Variants in EHMT1 observed in about 807,000 individuals in gnomAD.
EHMT1 encodes the protein euchromatic histone lysine methyltransferase 1, also known as histone-lysine N-methyltransferase EHMT1.
A neutral mutation model predicts 147.2 loss-of-function variants in EHMT1; 15 were observed. That is an observed-to-expected ratio of 0.10 (90% CI 0.07 to 0.16). The LOEUF is 0.16. Ranked by LOEUF, EHMT1 falls within the 10% of genes least tolerant of loss-of-function variation. The pLI is 1.00. For synonymous variants in EHMT1, 795 were observed against 709.6 expected, an observed-to-expected ratio of 1.12 and a Z score of -1.91; for missense variants, 1,587 against 1,772.4, an observed-to-expected ratio of 0.90 and a Z score of 1.88.
chr9:137,626,606 C>G (rs564896545), intron 1 of EHMT1, among the ~76,000 whole-genome samples: 2 of 150,838 alleles, frequency 1.3e-5, no homozygotes, highest in African/African-American at 4.9e-5. Context: ...TGTCTTATCT[C>G]TTAGTCTTTC....
intron 14 of EHMT1, among the ~76,000 whole-genome samples, chr9:137,781,032 C>T (rs1407795352): frequency 2.0e-3 from 258 of 130,144 alleles, no homozygotes; most frequent in African/African-American, 6.7e-3. Flanking sequence ...GACGCCGAGA[C>T]GTGTGGTGAT....
intron 22 of EHMT1, 190 bp downstream of exon 22, chr9:137,814,698 G>T: frequency 1.5e-6 from 1 of 677,646 alleles, no homozygotes; most frequent in South Asian, 1.7e-5. Flanking sequence ...GTGAGCCGAG[G>T]ACATGGCTGC....
intron 1 of EHMT1, among the ~76,000 whole-genome samples, chr9:137,676,662 G>A (rs113875406): frequency 4.6e-5 from 7 of 152,392 alleles, no homozygotes; most frequent in Middle Eastern, 3.4e-3. Context: ...TTGTGCAGAG[G>A]AGGGAACCTG....
At chr9:137,804,439 CTGTT>C (rs1395892138) in intron 18 of EHMT1, among the ~76,000 whole-genome samples, 10 of 152,072 alleles carry the variant, frequency 6.6e-5, no homozygotes, top group African/African-American at 2.2e-4. Context: ...AATGAAGTGT[CTGTT>C]CAAATATTTT....
At chr9:137,691,635 A>G (rs1942945212) in intron 1 of EHMT1, among the ~76,000 whole-genome samples, 1 of 152,138 alleles carries the variant, frequency 6.6e-6, no homozygotes, top group Non-Finnish European at 1.5e-5. Context: ...TTCAATTGCT[A>G]GGTCATATGG....
chr9:137,711,068 T>C lies in EHMT1; in HGVS notation c.85+38T>C, dbSNP rs1312300352. The stretch of plus-strand genomic sequence containing the variant: ...TGCACCGAGGGACAGGAGCAGCGCC[T>C]CCCTCCAGACTAGAAAACCTGCTGC... On this transcript the variant is annotated intron_variant, in intron 2 of 26. Coordinates refer to ENST00000460843, the MANE Select transcript of EHMT1 (RefSeq NM_024757.5). The C allele has an allele frequency of 3.8e-6, 6 of 1,559,044 alleles. No individual in the cohort carries two copies. The South Asian group carries it at 5.9e-5, about 15-fold the overall frequency.
In EHMT1 at chr9:137,717,096, A is replaced by G. The variant is rs775356902; in HGVS notation, c.556A>G (p.Thr186Ala). The change falls in exon 3 of 27, where the codon ACA becomes GCA. Residue 186 changes from threonine (T) to alanine (A), a missense_variant. By Grantham distance (58) the Thr-to-Ala change is moderately conservative. This residue lies in a region of EHMT1 where 810 missense variants were observed against 673.0 expected (regional missense o/e 1.20). Coordinates refer to ENST00000460843, the MANE Select transcript of EHMT1 (RefSeq NM_024757.5). ...CACCCTTGGGGAGGGGAGTGCTGACACAGAGGACAGGAAGCTCCCGGCCCC... is the reference window on the plus strand; with the variant it reads ...CACCCTTGGGGAGGGGAGTGCTGACGCAGAGGACAGGAAGCTCCCGGCCCC... ...PATLGEGSAD[T>A]EDRKLPAPGA... 1.9e-6 allele frequency: 3 copies of G among 1,612,302 alleles called. No homozygotes were observed. Among genetic ancestry groups the G allele is most frequent in the Non-Finnish European group, 2.5e-6 (3 of 1,179,662 alleles).
chr9:137,651,765 A>C (rs1189236727), intron 1 of EHMT1, among the ~76,000 whole-genome samples: 2 of 152,300 alleles, frequency 1.3e-5, no homozygotes, highest in East Asian at 3.9e-4. Context: ...ACTGCACTCC[A>C]GCCTGAGTGA....
chr9:137,653,277 G>A lies in EHMT1; in HGVS notation c.21+34228G>A, dbSNP rs1053109506. 5.9e-5 allele frequency among the ~76,000 whole-genome samples: 9 copies of A among 151,850 alleles called. No individual in the cohort carries two copies. In the South Asian group the frequency reaches 6.2e-4, roughly 11 times the overall value. On this transcript the variant is annotated intron_variant, in intron 1 of 26. Coordinates refer to ENST00000460843, the MANE Select transcript of EHMT1 (RefSeq NM_024757.5). Reference sequence around the variant, plus strand: ...AAATACTTACCATTATATTCCTGTCGCCTGCAGTATTCAACACAGTAACAT... The same window carrying A: ...AAATACTTACCATTATATTCCTGTCACCTGCAGTATTCAACACAGTAACAT...
At chr9:137,662,803 TA>T (rs376456269) in intron 1 of EHMT1, among the ~76,000 whole-genome samples, 35,043 of 150,392 alleles carry the variant, frequency 0.23, 4,664 homozygotes, top group African/African-American at 0.34. Context: ...TTTATTTATT[TA>T]TTTATTTTTG....
chr9:137,650,052 T>C (rs1481767351), intron 1 of EHMT1, among the ~76,000 whole-genome samples: 1 of 152,164 alleles, frequency 6.6e-6, no homozygotes, highest in African/African-American at 2.4e-5. Context: ...CTGCCAGCAG[T>C]GAATGAGGGT....
chr9:137,684,637 A>G (rs1185820634), intron 1 of EHMT1, among the ~76,000 whole-genome samples: 4 of 152,068 alleles, frequency 2.6e-5, no homozygotes, highest in Non-Finnish European at 4.4e-5. Context: ...GACCACAGGT[A>G]TGTGCCATTA....
chr9:137,782,537 G>GC lies in EHMT1; in HGVS notation c.2382+145dup, dbSNP rs1951640433. On this transcript the variant is annotated intron_variant, in intron 15 of 26. Coordinates refer to ENST00000460843, the MANE Select transcript of EHMT1 (RefSeq NM_024757.5). This position sits in a 1 kb window ranked among gnomAD's most constrained non-coding sequence, Gnocchi z 5.7. ...AATCGGGCACAGAGTCAGCTTTTCT[G>GC]CCCCCGAGTCCTGCAGGTGGATCAG... The GC allele has an allele frequency of 3.8e-6, 3 of 790,260 alleles. No individual in the cohort carries two copies. In the African/African-American group the frequency reaches 5.1e-5, roughly 13 times the overall value. The allele number at this position is 790,260 out of a possible 1,614,324, so 49.0% of individuals were successfully genotyped here. A position where few individuals can be genotyped will look rare whatever the true frequency, so the allele number is the denominator to read the frequency against.
At chr9:137,762,378 A>G (rs1349714255) in intron 9 of EHMT1, among the ~76,000 whole-genome samples, 1 of 152,080 alleles carries the variant, frequency 6.6e-6, no homozygotes, top group African/African-American at 2.4e-5. Flanking sequence ...CAGAGGTACC[A>G]GCCTCTGGCT....
At chr9:137,699,458 A>C (rs1943659694) in intron 1 of EHMT1, among the ~76,000 whole-genome samples, 1 of 152,154 alleles carries the variant, frequency 6.6e-6, no homozygotes, top group Non-Finnish European at 1.5e-5. Context: ...AGATCACTCG[A>C]GGTCAGGAGT....
In EHMT1 at chr9:137,732,435, T is replaced by C. The variant is rs750093392; in HGVS notation, c.823+3906T>C. On this transcript the variant is annotated intron_variant, in intron 4 of 26. Coordinates refer to ENST00000460843, the MANE Select transcript of EHMT1 (RefSeq NM_024757.5). This position sits in a 1 kb window ranked among gnomAD's most constrained non-coding sequence, Gnocchi z 4.6. Reference sequence around the variant, plus strand: ...GAGGGGAGCAAGGTGGAGAAGAGTTTTATTGAGCAGCAGAACAGCTCTCAG... The same window carrying C: ...GAGGGGAGCAAGGTGGAGAAGAGTTCTATTGAGCAGCAGAACAGCTCTCAG... 6.6e-6 allele frequency among the ~76,000 whole-genome samples: 1 copy of C among 152,086 alleles called. No individual in the cohort carries two copies. The highest frequency in any genetic ancestry group is 1.5e-5 in the Non-Finnish European group (1 of 67,998).
At position 137,813,834 on chromosome 9, in the gene EHMT1, G is replaced by T. The variant is rs969758082; in HGVS notation, c.3180+304G>T. On this transcript the variant is annotated intron_variant, in intron 21 of 26. Coordinates refer to ENST00000460843, the MANE Select transcript of EHMT1 (RefSeq NM_024757.5). This position sits in a 1 kb window ranked among gnomAD's most constrained non-coding sequence, Gnocchi z 4.9. ...CACTCAGGGGCCCCGGTGTGGCTTCGTGCTGGGGGCACAGGCGAGAGGAGC... is the reference window on the plus strand; with the variant it reads ...CACTCAGGGGCCCCGGTGTGGCTTCTTGCTGGGGGCACAGGCGAGAGGAGC... 1.3e-5 allele frequency among the ~76,000 whole-genome samples: 2 copies of T among 152,116 alleles called. No homozygotes were observed. Among genetic ancestry groups the T allele is most frequent in the African/African-American group, 2.4e-5 (1 of 41,422 alleles).
At position 137,652,629 on chromosome 9, in the gene EHMT1, A is replaced by G. The variant is rs150843055; in HGVS notation, c.21+33580A>G. Among the ~76,000 whole-genome samples, 279 of 127,996 alleles carry G rather than the reference A, an allele frequency of 2.2e-3. 2 individuals are homozygous for G. Among genetic ancestry groups the G allele is most frequent in the African/African-American group, 8.1e-3 (271 of 33,298 alleles). The allele number at this position is 127,996 out of a possible 152,430, so 84.0% of individuals were successfully genotyped here. A position where few individuals can be genotyped will look rare whatever the true frequency, so the allele number is the denominator to read the frequency against. On this transcript the variant is annotated intron_variant, in intron 1 of 26. Coordinates refer to ENST00000460843, the MANE Select transcript of EHMT1 (RefSeq NM_024757.5). ...TTGAACTCCTGACCTCAGGTGATCC[A>G]CTCACCTTGGCCTCCCAGAGTGTTG...
chr9:137,745,371 T>C (rs1395344262), intron 6 of EHMT1: 1 of 393,138 alleles, frequency 2.5e-6, no homozygotes, highest in Non-Finnish European at 4.5e-6. Flanking sequence ...GTAGCTTGAT[T>C]ATTTAAAAAT....
Sources: gnomAD v4.1 joint callset for allele counts (sites outside exome capture counted in the v4.1 genomes callset) on GRCh38, gnomAD v4.1.1 for gene constraint, gnomAD v4.1.1 regional missense constraint, Gnocchi (gnomAD v3.1) non-coding constraint, MANE v1.5 for transcripts, NCBI Gene and HGNC (gene_info 2026-07-23, HGNC 2026-07-21) for gene names.